HTR1D: variants seen among roughly 807,000 people sequenced by gnomAD.
The protein encoded by HTR1D is 5-hydroxytryptamine receptor 1D.
HTR1D carries 18 observed loss-of-function variants against 21.1 expected under a neutral mutation model. The ratio of observed to expected loss-of-function variants is 0.85; its 90% CI spans 0.59 to 1.27. The LOEUF (loss-of-function observed/expected upper bound fraction) is 1.27, where lower values mean the gene tolerates loss of function less well. HTR1D is among the 50% of genes most tolerant of loss of function. HTR1D has a pLI of 0.00. For missense variants in HTR1D, 456 were observed against 481.4 expected, an observed-to-expected ratio of 0.95 and a Z score of 0.49; for synonymous variants, 196 against 204.4, an observed-to-expected ratio of 0.96 and a Z score of 0.35.
rs757878935 is a variant in HTR1D at position 23,193,331 on chromosome 1, T to C, written c.889A>G (p.Arg297Gly). The C allele has an allele frequency of 2.5e-6, 4 of 1,614,184 alleles. No homozygotes were observed. In the East Asian group the frequency reaches 6.7e-5, roughly 27 times the overall value. The change falls in exon 2 of 2, where the codon AGG (arginine) becomes GGG (glycine). Residue 297 changes from arginine (R) to glycine (G), a missense_variant. Transcript: ENST00000374619. ...ATGCCCAGGATTTTAGTGGCTTTCC[T>C]TTCTCGAGCAGCAGAAATCCTCTTG... ...ERKRISAARE[R>G]KATKILGIIL...
chr1:23,202,710 G>A (rs1229191266), intron 1 of HTR1D, among the ~76,000 whole-genome samples: 1 of 152,114 alleles, frequency 6.6e-6, no homozygotes, highest in Non-Finnish European at 1.5e-5. Context: ...AGCTCTGGAT[G>A]GAGAAATCAC....
chr1:23,194,880 C>T lies in HTR1D; in HGVS notation c.-661G>A, dbSNP rs1436514411. Among the ~76,000 whole-genome samples, 1 of 152,150 alleles carries T rather than the reference C, an allele frequency of 6.6e-6. No individual in the cohort carries two copies. Among genetic ancestry groups the T allele is most frequent in the Non-Finnish European group, 1.5e-5 (1 of 68,046 alleles). On this transcript the variant is annotated 5_prime_UTR_variant, in exon 2 of 2. Transcript: ENST00000374619. ...TAACTTCGGTTCCTATCCCACTGAT[C>T]GTTTTAGAGCCTGAACAGACAAAAC... is the stretch of plus-strand genomic sequence containing the variant.
intron 1 of HTR1D, among the ~76,000 whole-genome samples, chr1:23,204,555 A>T (rs1644722438): frequency 6.6e-6 from 1 of 152,168 alleles, no homozygotes; most frequent in Non-Finnish European, 1.5e-5. Flanking sequence ...GCTCAGCTCA[A>T]TGCTTCTACT....
chr1:23,196,274 G>A (rs571199260), intron 1 of HTR1D, among the ~76,000 whole-genome samples: 53 of 151,988 alleles, frequency 3.5e-4, no homozygotes, highest in Non-Finnish European at 6.0e-4. Context: ...GAGATACCCC[G>A]TCTCTACTAA....
intron 1 of HTR1D, among the ~76,000 whole-genome samples, chr1:23,199,155 C>T (rs1245454498): frequency 6.6e-6 from 1 of 151,984 alleles, no homozygotes; most frequent in Non-Finnish European, 1.5e-5. Context: ...ACTCTGTCAC[C>T]TAGGCTGGAG....
At chr1:23,199,415 CTTTTTTTTTTTTTTTTTTTTTTT>C (rs71020483) in intron 1 of HTR1D, among the ~76,000 whole-genome samples, 8 of 46,330 alleles carry the variant, frequency 1.7e-4, no homozygotes, top group South Asian at 1.1e-3. Flanking sequence ...CATGTGTGGT[CTTTTTTTTTTTTTTTTTTTTTTT>C]TTTTTTTTTT....
In HTR1D at chr1:23,194,283, G is replaced by A. The variant is rs954439650; in HGVS notation, c.-64C>T. ...TGGCTCCTTCCTTCAAGGTTGTCCTGACAACAGAGCAAAGTCATCCTTCTG... is the reference window on the plus strand; with the variant it reads ...TGGCTCCTTCCTTCAAGGTTGTCCTAACAACAGAGCAAAGTCATCCTTCTG... On this transcript the variant is annotated 5_prime_UTR_variant, in exon 2 of 2. It introduces an in-frame stop codon into an upstream open reading frame of the 5' UTR. Transcript: ENST00000374619. 1.5e-5 allele frequency: 22 copies of A among 1,461,240 alleles called. No individual in the cohort carries two copies. The highest frequency in any genetic ancestry group is 2.1e-5 in the Non-Finnish European group (22 of 1,069,640). 90.5% of individuals were successfully genotyped at this position (1,461,240 alleles called of 1,614,324 possible). A position where few individuals can be genotyped will look rare whatever the true frequency, so the allele number is the denominator to read the frequency against.
Position 23,193,484 on chromosome 1 carries a change from T to G in HTR1D, c.736A>C (p.Thr246Pro), listed in dbSNP as rs751939536. Reference protein sequence around the residue: ...GKRFTTAHLITGSAGSSLCSL... With the variant: ...GKRFTTAHLIPGSAGSSLCSL... ...CAGAGCGAGGACCCGGCAGAGCCTG[T>G]GATGAGGTGGGCCGTGGTGAAGCGC... The change falls in exon 2 of 2, where the codon ACA (threonine) becomes CCA (proline). Residue 246 changes from threonine (T) to proline (P), a missense_variant. By Grantham distance (38) the Thr-to-Pro change is conservative (BLOSUM62 -1). Transcript: ENST00000374619. 6.8e-6 allele frequency: 11 copies of G among 1,613,732 alleles called. No homozygotes were observed. Among genetic ancestry groups the G allele is most frequent in the Admixed American group, 3.3e-5 (2 of 59,972 alleles).
chr1:23,192,979 A>G lies in HTR1D; in HGVS notation c.*107T>C. ...ATTCTGTTGATTGAACCAAGACTCA[A>G]GATACCATGAATTAATCCAAGTCTC... On this transcript the variant is annotated 3_prime_UTR_variant, in exon 2 of 2. Transcript: ENST00000374619. 1.4e-6 allele frequency: 1 copy of G among 714,498 alleles called. No individual in the cohort carries two copies. Among genetic ancestry groups the G allele is most frequent in the South Asian group, 2.3e-5 (1 of 43,218 alleles). 44.3% of individuals were successfully genotyped at this position (714,498 alleles called of 1,614,324 possible).
At chr1:23,213,954 T>C (rs1049723940) in intron 1 of HTR1D, among the ~76,000 whole-genome samples, 2 of 152,162 alleles carry the variant, frequency 1.3e-5, no homozygotes, top group African/African-American at 4.8e-5. Context: ...TTAAGCCCTC[T>C]CCCGACTCCA....
At chr1:23,214,937 AGAGT>A (rs1457939746) in intron 1 of HTR1D, among the ~76,000 whole-genome samples, 1 of 152,098 alleles carries the variant, frequency 6.6e-6, no homozygotes, top group Non-Finnish European at 1.5e-5. Context: ...TCACCCAGAG[AGAGT>A]GTCTACTAGG....
In HTR1D at chr1:23,217,281, G is replaced by A. The variant is rs1429007116; in HGVS notation, c.-783+10C>T. On this transcript the variant is annotated intron_variant, in intron 1 of 1. Coordinates refer to ENST00000374619, the MANE Select transcript of HTR1D (RefSeq NM_000864.5). The surrounding 1 kb of genome is among the most constrained non-coding windows in gnomAD (Gnocchi z 4.6). ...GGGGCCAGGCTGCAGACGCGGCCCC[G>A]AGAGCTTACCCGCTGCCCGGCGGGC... is the stretch of plus-strand genomic sequence containing the variant. Among the ~76,000 whole-genome samples the A allele has an allele frequency of 3.3e-5, 5 of 151,834 alleles. No individual in the cohort carries two copies. Among genetic ancestry groups the A allele is most frequent in the East Asian group, 2.0e-4 (1 of 5,090 alleles).
chr1:23,193,633 G>C lies in HTR1D; in HGVS notation c.587C>G (p.Ser196Cys). The C allele has an allele frequency of 6.2e-7, 1 of 1,614,022 alleles. No homozygotes were observed. Among genetic ancestry groups the C allele is most frequent in the Non-Finnish European group, 8.5e-7 (1 of 1,179,952 alleles). Residue 196 changes from serine to cysteine, a missense_variant, in exon 2 of 2, where the codon TCC (serine) becomes TGC (cysteine). By Grantham distance (112) the Ser-to-Cys change is moderately radical. Coordinates refer to ENST00000374619, the MANE Select transcript of HTR1D (RefSeq NM_000864.5). ...CCCACAGGTGGAGTAGATGGTGTAG[G>C]AGATCTGAGAGGTGTTCACCAGACA... ...SDCLVNTSQISYTIYSTCGAF... is the reference protein window; with the variant it reads ...SDCLVNTSQICYTIYSTCGAF...
chr1:23,197,143 G>A (rs770641065), intron 1 of HTR1D, among the ~76,000 whole-genome samples: 45 of 152,228 alleles, frequency 3.0e-4, no homozygotes, highest in Middle Eastern at 6.8e-3. Flanking sequence ...AGTGAAAGGC[G>A]TGGGTTCAGA....
chr1:23,204,724 T>C (rs898350932), intron 1 of HTR1D, among the ~76,000 whole-genome samples: 3 of 152,218 alleles, frequency 2.0e-5, no homozygotes, highest in African/African-American at 7.2e-5. Context: ...TGTTTCTGCT[T>C]GCACTCTGTC....
chr1:23,196,485 C>T (rs1440638040), intron 1 of HTR1D, among the ~76,000 whole-genome samples: 1 of 150,698 alleles, frequency 6.6e-6, no homozygotes, highest in East Asian at 2.0e-4. Context: ...ACCTGCAATG[C>T]AGTATTTTCC....
At chr1:23,201,008 A>G (rs1374579138) in intron 1 of HTR1D, among the ~76,000 whole-genome samples, 1 of 152,130 alleles carries the variant, frequency 6.6e-6, no homozygotes, top group Non-Finnish European at 1.5e-5. Flanking sequence ...GCATCTCTGA[A>G]GAGGGGTGGA....
rs765435311 is a variant in HTR1D at position 23,193,471 on chromosome 1, C to T, written c.749G>A (p.Gly250Glu). The T allele has an allele frequency of 1.9e-6, 3 of 1,614,104 alleles. No individual in the cohort carries two copies. The highest frequency in any genetic ancestry group is 2.5e-6 in the Non-Finnish European group (3 of 1,179,990). The change falls in exon 2 of 2, where the codon GGG becomes GAG. Residue 250 changes from glycine to glutamate, a missense_variant. Transcript: ENST00000374619. ...TTAHLITGSA[G>E]SSLCSLNSSL... Reference sequence around the variant, plus strand: ...GGAGTTGAGCGAGCAGAGCGAGGACCCGGCAGAGCCTGTGATGAGGTGGGC... The same window carrying T: ...GGAGTTGAGCGAGCAGAGCGAGGACTCGGCAGAGCCTGTGATGAGGTGGGC...
At chr1:23,204,773 G>T (rs1644723511) in intron 1 of HTR1D, among the ~76,000 whole-genome samples, 1 of 152,192 alleles carries the variant, frequency 6.6e-6, no homozygotes. Context: ...TCCCTGCAGG[G>T]AGAGACAAGG....
Sources: gnomAD v4.1 joint callset for allele counts (sites outside exome capture counted in the v4.1 genomes callset) on GRCh38, gnomAD v4.1.1 for gene constraint, Gnocchi (gnomAD v3.1) non-coding constraint, MANE v1.5 for transcripts, NCBI Gene and HGNC (gene_info 2026-07-23, HGNC 2026-07-21) for gene names.